The following KCTD16 variants were observed in gnomAD, a reference collection of about 807,000 sequenced individuals.
The protein encoded by KCTD16 is BTB/POZ domain-containing protein KCTD16.
KCTD16 carries 13 observed loss-of-function variants against 33.2 expected under a neutral mutation model. The observed-to-expected ratio is 0.39, with a 90% CI of 0.25 to 0.62. The LOEUF (loss-of-function observed/expected upper bound fraction) is 0.62. Ranked by LOEUF, KCTD16 falls within the 20% of genes least tolerant of loss-of-function variation. The probability of loss-of-function intolerance (pLI) is 0.50; values close to 1 mark genes in which losing one functional copy is unlikely to be tolerated. For missense variants in KCTD16, 441 were observed against 525.1 expected (o/e 0.84, Z 1.57); for synonymous variants, 197 against 195.3 (o/e 1.01, Z -0.07).
intron 3 of KCTD16, among the ~76,000 whole-genome samples, chr5:144,351,751 A>T (rs537428542): frequency 1.3e-5 from 2 of 152,352 alleles, no homozygotes; most frequent in South Asian, 4.1e-4. Flanking sequence ...GTCATTTGCA[A>T]CAACATGAAG....
intron 3 of KCTD16, among the ~76,000 whole-genome samples, chr5:144,352,071 TTAAA>T (rs1366065453): frequency 6.6e-6 from 1 of 152,232 alleles, no homozygotes; most frequent in African/African-American, 2.4e-5. Flanking sequence ...CGTGCATGTG[TTAAA>T]TAGCTTGATT....
intron 3 of KCTD16, among the ~76,000 whole-genome samples, chr5:144,311,871 A>G (rs189587833): frequency 2.0e-5 from 3 of 152,340 alleles, no homozygotes; most frequent in Admixed American, 6.5e-5. Context: ...AGGAAATAAA[A>G]TCATCTCTAA....
chr5:144,469,863 A>G (rs958820701), intron 3 of KCTD16, among the ~76,000 whole-genome samples: 1 of 151,664 alleles, frequency 6.6e-6, no homozygotes, highest in South Asian at 2.1e-4. Context: ...ATAATATTCA[A>G]CAAATTCAGC....
intron 3 of KCTD16, among the ~76,000 whole-genome samples, chr5:144,451,036 T>C (rs1310583476): frequency 6.6e-6 from 1 of 152,154 alleles, no homozygotes; most frequent in African/African-American, 2.4e-5. Context: ...GTTCACTATC[T>C]TGCTTGTGGT....
chr5:144,205,874 G>C, intron 2 of KCTD16: 1 of 262,560 alleles, frequency 3.8e-6, no homozygotes, highest in Non-Finnish European at 7.1e-6. Flanking sequence ...ATATATAATA[G>C]TTATTTTCCA....
At chr5:144,392,974 G>A (rs1384167815) in intron 3 of KCTD16, among the ~76,000 whole-genome samples, 3 of 152,036 alleles carry the variant, frequency 2.0e-5, no homozygotes, top group African/African-American at 4.8e-5. Flanking sequence ...TTATTGCAGA[G>A]CATAAAATTA....
At chr5:144,351,554 A>G (rs1299087496) in intron 3 of KCTD16, among the ~76,000 whole-genome samples, 1 of 152,228 alleles carries the variant, frequency 6.6e-6, no homozygotes, top group East Asian at 1.9e-4. Context: ...TCTGCTTAAT[A>G]TATATCCAAA....
At chr5:144,299,166 AACC>A in intron 3 of KCTD16, among the ~76,000 whole-genome samples, 1 of 64,336 alleles carries the variant, frequency 1.6e-5, no homozygotes, top group Admixed American at 2.1e-4. Flanking sequence ...TTTTTTTTTT[AACC>A]TGTCACTGAG....
At chr5:144,199,084 A>G (rs1338385730) in intron 2 of KCTD16, among the ~76,000 whole-genome samples, 2 of 152,246 alleles carry the variant, frequency 1.3e-5, no homozygotes, top group African/African-American at 4.8e-5. Flanking sequence ...AATGCATTCT[A>G]AAGACATTTG....
intron 2 of KCTD16, among the ~76,000 whole-genome samples, chr5:144,181,686 A>T (rs1306460077): frequency 2.0e-5 from 3 of 152,238 alleles, no homozygotes; most frequent in Non-Finnish European, 4.4e-5. Context: ...CAGACATAGG[A>T]AAATACTGCA....
At chr5:144,436,851 G>C (rs1753591135) in intron 3 of KCTD16, among the ~76,000 whole-genome samples, 1 of 152,112 alleles carries the variant, frequency 6.6e-6, no homozygotes, top group African/African-American at 2.4e-5. Context: ...CTCCCAAAGT[G>C]CCAGGATTAT....
At chr5:144,240,223 C>T (rs1447697174) in intron 3 of KCTD16, among the ~76,000 whole-genome samples, 1 of 152,138 alleles carries the variant, frequency 6.6e-6, no homozygotes, top group Non-Finnish European at 1.5e-5. Flanking sequence ...TTTCTGACTG[C>T]ATCAGAATGC....
chr5:144,370,470 G>C (rs115317797), intron 3 of KCTD16, among the ~76,000 whole-genome samples: 2,841 of 152,120 alleles, frequency 0.019, 65 homozygotes, highest in African/African-American at 0.065. Context: ...ATTTACTTTG[G>C]CTCCACCTGA....
intron 2 of KCTD16, among the ~76,000 whole-genome samples, chr5:144,201,065 TC>T (rs1279751426): frequency 1.3e-5 from 2 of 152,156 alleles, no homozygotes; most frequent in Non-Finnish European, 2.9e-5. Flanking sequence ...TTAAATTTTT[TC>T]CCCCATTGGT....
chr5:144,457,408 A>G lies in KCTD16; in HGVS notation c.833-16252A>G, dbSNP rs551816755. ...AGTTAGGAATGGTAGAAATGAAGAG[A>G]AGCCCTGGAGAAGGAACAACTGAGC... On this transcript the variant is annotated intron_variant, in intron 3 of 3. Transcript: ENST00000512467. 1.4e-4 allele frequency among the ~76,000 whole-genome samples: 21 copies of G among 152,284 alleles called. No homozygotes were observed. In the South Asian group the frequency reaches 1.5e-3, roughly 11 times the overall value.
rs573588875 is a variant in KCTD16, at chr5:144,477,535, C to G, written c.*3421C>G. ...TCAGAGGAATCTTTATCCATAGGCA[C>G]AGGTGTGTTGCTTGTTCTGGGCCCC... On this transcript the variant is annotated 3_prime_UTR_variant, in exon 4 of 4. Coordinates refer to ENST00000512467, the MANE Select transcript of KCTD16 (RefSeq NM_020768.4). 1 of 152,198 alleles carries G rather than the reference C, an allele frequency of 6.6e-6. No homozygotes were observed. The highest frequency in any genetic ancestry group is 1.5e-5 in the Non-Finnish European group (1 of 67,992). The allele number at this position is 152,198 out of a possible 1,614,324, so 9.4% of individuals were successfully genotyped here. A position where few individuals can be genotyped will look rare whatever the true frequency, so the allele number is the denominator to read the frequency against.
chr5:144,179,117 A>G (rs999916367), intron 2 of KCTD16, among the ~76,000 whole-genome samples: 2 of 152,214 alleles, frequency 1.3e-5, no homozygotes, highest in Admixed American at 6.5e-5. Context: ...GGAGAAGTGA[A>G]GGTATGTATT....
chr5:144,215,212 C>G (rs75851397), intron 3 of KCTD16, among the ~76,000 whole-genome samples: 1 of 152,152 alleles, frequency 6.6e-6, no homozygotes, highest in East Asian at 1.9e-4. Context: ...AAAACACTTA[C>G]CAGCAGCAAA....
intron 3 of KCTD16, among the ~76,000 whole-genome samples, chr5:144,286,620 G>A (rs1164459974): frequency 2.0e-5 from 3 of 152,094 alleles, no homozygotes; most frequent in Admixed American, 6.5e-5. Context: ...AGAAACAGAC[G>A]TTATCACTTA....
Sources: gnomAD v4.1 joint callset for allele counts (sites outside exome capture counted in the v4.1 genomes callset) on GRCh38, gnomAD v4.1.1 for gene constraint, MANE v1.5 for transcripts, NCBI Gene and HGNC (gene_info 2026-07-23, HGNC 2026-07-21) for gene names.